PPP1R7: variants seen among roughly 807,000 people sequenced by gnomAD.
The protein encoded by PPP1R7 is protein phosphatase 1 regulatory subunit 7, also known as protein phosphatase 1 regulatory subunit 22.
PPP1R7 carries 18 observed loss-of-function variants against 45.2 expected under a neutral mutation model. The observed-to-expected ratio is 0.40, with a 90% CI of 0.28 to 0.59. PPP1R7 has a LOEUF of 0.59. Among genes scored for constraint, PPP1R7 ranks in the 20% least tolerant of loss-of-function variants. PPP1R7 has a pLI of 0.46. For missense variants in PPP1R7, 314 were observed against 455.8 expected, an observed-to-expected ratio of 0.69 and a Z score of 2.83; for synonymous variants, 181 against 183.4, an observed-to-expected ratio of 0.99 and a Z score of 0.11.
At chr2:241,170,973 G>A (rs564196172) in intron 9 of PPP1R7, among the ~76,000 whole-genome samples, 1 of 152,264 alleles carries the variant, frequency 6.6e-6, no homozygotes, top group East Asian at 1.9e-4. Flanking sequence ...TAGTGCATAG[G>A]GAGTTGGCAA....
At chr2:241,177,810 G>C (rs1199402551) in intron 9 of PPP1R7, among the ~76,000 whole-genome samples, 1 of 152,206 alleles carries the variant, frequency 6.6e-6, no homozygotes, top group Non-Finnish European at 1.5e-5. Context: ...GCAGTAGCCA[G>C]GGGAGGAGAA....
chr2:241,150,456 T>A (rs374519280), upstream of PPP1R7: 93 of 1,386,408 alleles, frequency 6.7e-5, no homozygotes, highest in Non-Finnish European at 7.4e-5. Flanking sequence ...GGCTGAGGGG[T>A]CTGAGGCGAC....
chr2:241,155,517 C>T (rs1428327992), intron 2 of PPP1R7, among the ~76,000 whole-genome samples: 2 of 152,248 alleles, frequency 1.3e-5, no homozygotes, highest in Admixed American at 1.3e-4. Flanking sequence ...ATCATGTCAA[C>T]TGTTACCTTC....
At chr2:241,176,143 A>C (rs1268648262) in intron 9 of PPP1R7, among the ~76,000 whole-genome samples, 1 of 151,930 alleles carries the variant, frequency 6.6e-6, no homozygotes, top group Non-Finnish European at 1.5e-5. Flanking sequence ...AAACTCCTGA[A>C]CTCAAGCAAT....
At chr2:241,164,236 T>C (rs1361384298) in intron 7 of PPP1R7, among the ~76,000 whole-genome samples, 1 of 152,148 alleles carries the variant, frequency 6.6e-6, no homozygotes, top group African/African-American at 2.4e-5. Flanking sequence ...ACCTCCCCCT[T>C]CTGCCCCAGT....
Position 241,150,565 on chromosome 2 carries a change from GC to G in PPP1R7, c.52+19del. The G allele has an allele frequency of 6.3e-7, 1 of 1,585,438 alleles. No individual in the cohort carries two copies. On this transcript the variant is annotated intron_variant, in intron 1 of 9. Coordinates refer to ENST00000234038, the MANE Select transcript of PPP1R7 (RefSeq NM_002712.3). ...GATGGAGGGTGAGCGGCCCCTGCGG[GC>G]GGCGGCCCAAGGGCCCAGCGGGCGG...
intron 9 of PPP1R7, among the ~76,000 whole-genome samples, chr2:241,170,452 G>A (rs975970153): frequency 6.6e-6 from 1 of 152,206 alleles, no homozygotes; most frequent in Non-Finnish European, 1.5e-5. Flanking sequence ...AAAGGGGTTG[G>A]GAAATGATCC....
intron 1 of PPP1R7, among the ~76,000 whole-genome samples, chr2:241,151,764 G>A (rs1003668929): frequency 6.6e-6 from 1 of 152,054 alleles, no homozygotes; most frequent in East Asian, 1.9e-4. Flanking sequence ...TGTTAGTCAA[G>A]GAGCTCTGAC....
At chr2:241,168,518 C>G (rs902197231) in intron 8 of PPP1R7, among the ~76,000 whole-genome samples, 9 of 152,262 alleles carry the variant, frequency 5.9e-5, no homozygotes, top group African/African-American at 2.2e-4. Flanking sequence ...ACAGTCGCGT[C>G]TTCTGCAACA....
intron 6 of PPP1R7, among the ~76,000 whole-genome samples, chr2:241,162,743 C>T (rs978222970): frequency 3.4e-5 from 5 of 148,574 alleles, no homozygotes; most frequent in African/African-American, 7.6e-5. Flanking sequence ...AGTGCAGTGG[C>T]ACAATCTCGG....
intron 8 of PPP1R7, chr2:241,167,040 C>T: frequency 6.2e-7 from 1 of 1,612,330 alleles, no homozygotes; most frequent in Non-Finnish European, 8.5e-7. Flanking sequence ...GCCCTTCTCA[C>T]TCAGGTGCAG....
At chr2:241,172,243 G>C (rs1163467203) in intron 9 of PPP1R7, among the ~76,000 whole-genome samples, 1 of 151,824 alleles carries the variant, frequency 6.6e-6, no homozygotes, top group African/African-American at 2.4e-5. Context: ...TGTTTGGAGG[G>C]AGGGTTGTTT....
intron 5 of PPP1R7, among the ~76,000 whole-genome samples, chr2:241,159,840 G>A (rs1334307252): frequency 6.6e-6 from 1 of 151,900 alleles, no homozygotes; most frequent in African/African-American, 2.4e-5. Context: ...AGATAGCCTG[G>A]GCAACATAAC....
chr2:241,171,101 G>A (rs753310377), intron 9 of PPP1R7, among the ~76,000 whole-genome samples: 3 of 152,176 alleles, frequency 2.0e-5, no homozygotes, highest in Non-Finnish European at 4.4e-5. Context: ...TTTGGGAAAC[G>A]AGCTGATACT....
At chr2:241,150,262 C>T, upstream of PPP1R7, 1 of 1,296,480 alleles carries the variant, frequency 7.7e-7, no homozygotes, top group African/African-American at 1.5e-5. Flanking sequence ...TTCCCAGCTT[C>T]TCGCCTCCAG....
intron 6 of PPP1R7, among the ~76,000 whole-genome samples, chr2:241,161,961 C>T (rs1356061307): frequency 6.6e-6 from 1 of 152,200 alleles, no homozygotes; most frequent in Non-Finnish European, 1.5e-5. Flanking sequence ...GAATGCCCCT[C>T]TACTTGGCTT....
At chr2:241,170,615 A>G (rs16843406) in intron 9 of PPP1R7, among the ~76,000 whole-genome samples, 2,704 of 152,310 alleles carry the variant, frequency 0.018, 86 homozygotes, top group African/African-American at 0.061. Context: ...ATTCAGTCTA[A>G]TCCAGGATTC....
At chr2:241,159,158 C>A in intron 4 of PPP1R7, 55 bp from the exon 5 acceptor site, 1 of 1,588,240 alleles carries the variant, frequency 6.3e-7, no homozygotes, top group Non-Finnish European at 8.6e-7. Flanking sequence ...TCAGCTGAGG[C>A]CTTCTCGTGG....
chr2:241,163,908 C>T (rs868727768), intron 7 of PPP1R7, among the ~76,000 whole-genome samples: 1 of 151,286 alleles, frequency 6.6e-6, no homozygotes, highest in Non-Finnish European at 1.5e-5. Flanking sequence ...AGTCACCACT[C>T]GTGGCCTTTC....
Sources: allele counts gnomAD v4.1 joint callset (sites outside exome capture counted in the v4.1 genomes callset), GRCh38; gene constraint gnomAD v4.1.1; transcripts MANE v1.5; gene names NCBI Gene and HGNC (gene_info 2026-07-23, HGNC 2026-07-21).